The following ENOSF1 variants were observed in gnomAD, a reference collection of about 807,000 sequenced individuals.
ENOSF1 encodes the protein mitochondrial enolase superfamily member 1.
ENOSF1 carries 73 observed loss-of-function variants against 68.2 expected under a neutral mutation model. The observed-to-expected ratio is 1.07, with a 90% CI of 0.89 to 1.30. The LOEUF is 1.30. Ranked by LOEUF, ENOSF1 falls within the 50% of genes most tolerant of loss-of-function variation. ENOSF1 has a pLI of 0.00. For synonymous variants in ENOSF1, 223 were observed against 210.4 expected (o/e 1.06, Z -0.52); for missense variants, 589 against 554.5 (o/e 1.06, Z -0.62).
downstream of ENOSF1, among the ~76,000 whole-genome samples, chr18:667,990 G>A (rs1456823555): frequency 2.4e-5 from 2 of 83,938 alleles, no homozygotes; most frequent in East Asian, 7.4e-4. Flanking sequence ...AGATTCACAG[G>A]AATTTTTTTT....
In ENOSF1 at chr18:688,555, G is replaced by T; in HGVS notation, c.653+19C>A. 1 of 1,613,978 alleles carries T rather than the reference G, an allele frequency of 6.2e-7. No homozygotes were observed. Among genetic ancestry groups the T allele is most frequent in the South Asian group, 1.1e-5 (1 of 91,062 alleles). The stretch of plus-strand genomic sequence containing the variant: ...CTCCTGCCGCCAACTGGGAAAGTCA[G>T]GTCCATCATCACACTCACCTGGTCC... On this transcript the variant is annotated intron_variant, in intron 9 of 15. Transcript: ENST00000647584.
chr18:694,976 T>C (rs1446641229), intron 3 of ENOSF1, among the ~76,000 whole-genome samples: 1 of 152,188 alleles, frequency 6.6e-6, no homozygotes, highest in Non-Finnish European at 1.5e-5. Context: ...TTTTCTTACA[T>C]AACCGTAGTA....
chr18:674,536 TGACA>T, intron 15 of ENOSF1, 130 bp from the exon 16 acceptor site: 2 of 552,162 alleles, frequency 3.6e-6, no homozygotes, highest in Non-Finnish European at 6.2e-6. Flanking sequence ...TTTTTTTTTT[TGACA>T]TGGAGTCACT....
chr18:691,288 A>G lies in ENOSF1; in HGVS notation c.424-12T>C. On this transcript the variant is annotated splice_polypyrimidine_tract_variant and intron_variant, in intron 5 of 15. Coordinates refer to ENST00000647584, the MANE Select transcript of ENOSF1 (RefSeq NM_017512.7). ...AGCATCCTGGGATCCTGGCAACGTG[A>G]CAGGAGGGGAAGAGGCCTGAATCAA... is the stretch of plus-strand genomic sequence containing the variant. The G allele has an allele frequency of 2.5e-6, 4 of 1,608,666 alleles. No homozygotes were observed. Among genetic ancestry groups the G allele is most frequent in the Non-Finnish European group, 3.4e-6 (4 of 1,175,562 alleles).
At chr18:697,887 C>A (rs1030017834) in intron 2 of ENOSF1, among the ~76,000 whole-genome samples, 1 of 152,122 alleles carries the variant, frequency 6.6e-6, no homozygotes, top group East Asian at 1.9e-4. Context: ...TTGACCTCCC[C>A]GGCTCAGGTA....
chr18:668,803 T>A (rs2074914940), downstream of ENOSF1, among the ~76,000 whole-genome samples: 1 of 151,764 alleles, frequency 6.6e-6, no homozygotes, highest in Non-Finnish European at 1.5e-5. Context: ...CAGGAGGAGG[T>A]GACTCCATGA....
Position 673,176 on chromosome 18 carries a change from T to C in ENOSF1, c.*1129A>G, listed in dbSNP as rs1336832962. 1.0e-5 allele frequency: 6 copies of C among 590,296 alleles called. No individual in the cohort carries two copies. Among genetic ancestry groups the C allele is most frequent in the Non-Finnish European group, 1.6e-5 (6 of 373,182 alleles). 36.6% of individuals were successfully genotyped at this position (590,296 alleles called of 1,614,324 possible). A position where few individuals can be genotyped will look rare whatever the true frequency, so the allele number is the denominator to read the frequency against. On this transcript the variant is annotated 3_prime_UTR_variant, in exon 16 of 16. Transcript: ENST00000647584. ...GGCAAATGTAACTGTGCCAGTTCTT[T>C]CCATAATAAAAGGCTTTGAGTTAAC...
chr18:666,610 G>A (rs994660348), downstream of ENOSF1, among the ~76,000 whole-genome samples: 1 of 152,214 alleles, frequency 6.6e-6, no homozygotes, highest in Non-Finnish European at 1.5e-5. Context: ...CATCTAAGGG[G>A]ACAGTCACAT....
chr18:681,077 G>T (rs8095754), intron 11 of ENOSF1, among the ~76,000 whole-genome samples: 1 of 152,116 alleles, frequency 6.6e-6, no homozygotes, highest in Non-Finnish European at 1.5e-5. Context: ...GGCCAGGCTG[G>T]TCTCAAACTC....
intron 1 of ENOSF1, chr18:706,842 A>C (rs2079000001): frequency 6.9e-6 from 1 of 145,188 alleles, no homozygotes; most frequent in Non-Finnish European, 1.5e-5. Flanking sequence ...TTTTTGAGAC[A>C]GAGTCTTGCT....
chr18:673,264 C>T lies in ENOSF1; in HGVS notation c.*1041G>A, dbSNP rs985389810. 8 of 301,572 alleles carry T rather than the reference C, an allele frequency of 2.7e-5. No homozygotes were observed. Among genetic ancestry groups the T allele is most frequent in the East Asian group, 9.6e-5 (2 of 20,874 alleles). 18.7% of individuals were successfully genotyped at this position (301,572 alleles called of 1,614,324 possible). A position where few individuals can be genotyped will look rare whatever the true frequency, so the allele number is the denominator to read the frequency against. ...AAGTGAGGAGAATGAAATGTATGTG[C>T]TCTTAGCAAAAACATGTATGTGCAT... On this transcript the variant is annotated 3_prime_UTR_variant, in exon 16 of 16. Coordinates refer to ENST00000647584, the MANE Select transcript of ENOSF1 (RefSeq NM_017512.7).
intron 3 of ENOSF1, among the ~76,000 whole-genome samples, chr18:696,337 G>A (rs2077726446): frequency 6.6e-6 from 1 of 150,830 alleles, no homozygotes; most frequent in Non-Finnish European, 1.5e-5. Context: ...TCAGCCTCCT[G>A]AGTAACTGGG....
At chr18:667,177 GGT>G (rs2144309091), downstream of ENOSF1, among the ~76,000 whole-genome samples, 8 of 100,896 alleles carry the variant, frequency 7.9e-5, no homozygotes, top group Non-Finnish European at 7.4e-5. Context: ...TGATGGTGAT[GGT>G]GATGGTGATG....
In ENOSF1 at chr18:686,351, C is replaced by A. The variant is rs546061581; in HGVS notation, c.654-343G>T. On this transcript the variant is annotated intron_variant, in intron 9 of 15. Coordinates refer to ENST00000647584, the MANE Select transcript of ENOSF1 (RefSeq NM_017512.7). The stretch of plus-strand genomic sequence containing the variant: ...GTGAGAACTGAAGAGGAGAGCGGGG[C>A]TGAAAAGGGGTGCCGAGTAAGCCAC... The A allele has an allele frequency of 1.9e-5, 5 of 265,696 alleles. No homozygotes were observed. In the East Asian group the frequency reaches 4.3e-4, roughly 23 times the overall value. 16.5% of individuals were successfully genotyped at this position (265,696 alleles called of 1,614,324 possible).
chr18:706,633 A>C (rs1399215631), intron 1 of ENOSF1, 55 bp from the exon 2 acceptor site: 2 of 1,319,398 alleles, frequency 1.5e-6, no homozygotes, highest in Non-Finnish European at 2.2e-6. Context: ...ACCCGAAAAG[A>C]ACCATGAGAA....
intron 2 of ENOSF1, among the ~76,000 whole-genome samples, chr18:700,120 A>C (rs920849520): frequency 6.6e-6 from 1 of 152,180 alleles, no homozygotes; most frequent in Non-Finnish European, 1.5e-5. Flanking sequence ...CTTTTAGCAC[A>C]TGCCTGGCTA....
At chr18:670,166 CCA>C (rs1465324207), downstream of ENOSF1, among the ~76,000 whole-genome samples, 13 of 151,676 alleles carry the variant, frequency 8.6e-5, no homozygotes, top group Non-Finnish European at 1.9e-4. Flanking sequence ...TTCCTCAGCC[CCA>C]GAGCTGGGAC....
chr18:671,265 CTA>C lies in ENOSF1; in HGVS notation c.*3038_*3039del. ...GCTACAAAAAAATGGAAAAGCTACA[CTA>C]AATTATTTTTTTAAAAAAAGCCTTG... On this transcript the variant is annotated 3_prime_UTR_variant, in exon 16 of 16. Coordinates refer to ENST00000647584, the MANE Select transcript of ENOSF1 (RefSeq NM_017512.7). 3 of 786,494 alleles carry C rather than the reference CTA, an allele frequency of 3.8e-6. No homozygotes were observed. The highest frequency in any genetic ancestry group is 6.6e-6 in the Non-Finnish European group (3 of 453,726). The allele number at this position is 786,494 out of a possible 1,614,324, so 48.7% of individuals were successfully genotyped here.
In ENOSF1 at chr18:683,235, C is replaced by G; in HGVS notation, c.876+11G>C. The G allele has an allele frequency of 6.2e-7, 1 of 1,613,802 alleles. No individual in the cohort carries two copies. The highest frequency in any genetic ancestry group is 1.1e-5 in the South Asian group (1 of 91,044). ...AATAAGCTGCCACAGCAGCAGCAGC[C>G]GTTTTCCTACCTTGGAAATGGTGGC... On this transcript the variant is annotated intron_variant, in intron 11 of 15. Coordinates refer to ENST00000647584, the MANE Select transcript of ENOSF1 (RefSeq NM_017512.7).
Sources: gnomAD v4.1 joint callset for allele counts (sites outside exome capture counted in the v4.1 genomes callset) on GRCh38, gnomAD v4.1.1 for gene constraint, MANE v1.5 for transcripts, NCBI Gene and HGNC (gene_info 2026-07-23, HGNC 2026-07-21) for gene names.